The following SUPT3H variants were observed in gnomAD, a reference collection of about 807,000 sequenced individuals.
The protein encoded by SUPT3H is SPT3 homolog, SAGA and STAGA complex component, also known as transcription initiation protein SPT3 homolog.
Under a neutral mutation model 44.3 loss-of-function variants are expected in SUPT3H, and 44 were observed. The ratio of observed to expected loss-of-function variants is 0.99; its 90% CI spans 0.78 to 1.28. SUPT3H has a LOEUF of 1.28. Among genes scored for constraint, SUPT3H ranks in the 50% most tolerant of loss-of-function variants. The pLI, the probability that SUPT3H is intolerant of heterozygous loss-of-function variation, is 0.00. For missense variants in SUPT3H, 380 were observed against 387.1 expected (o/e 0.98, Z 0.15); for synonymous variants, 124 against 125.6 (o/e 0.99, Z 0.09).
rs529527828 is a variant in SUPT3H, at chr6:44,963,488, T to TCAAA, written c.505-1664_505-1661dup. ...CTGGGTGACAGAGTGAGACTCCGTC[T>TCAAA]CAAACAAACAAACAAACAAACAACC... On this transcript the variant is annotated intron_variant, in intron 6 of 10. Transcript: ENST00000371459. Among the ~76,000 whole-genome samples the TCAAA allele has an allele frequency of 1.1e-3, 163 of 152,182 alleles. 2 individuals are homozygous for TCAAA. The highest frequency in any genetic ancestry group is 6.8e-3 in the Middle Eastern group (2 of 294).
At chr6:44,884,558 C>G (rs932052334) in intron 10 of SUPT3H, among the ~76,000 whole-genome samples, 5 of 152,118 alleles carry the variant, frequency 3.3e-5, no homozygotes, top group African/African-American at 1.2e-4. Context: ...TGCAGCACTA[C>G]TCACAATAGC....
intron 3 of SUPT3H, among the ~76,000 whole-genome samples, chr6:45,069,556 A>C (rs1345631253): frequency 6.6e-6 from 1 of 152,156 alleles, no homozygotes; most frequent in Non-Finnish European, 1.5e-5. Flanking sequence ...TGATCCGTAT[A>C]AGTATATGTA....
intron 11 of SUPT3H, among the ~76,000 whole-genome samples, chr6:44,816,644 T>C (rs1256279254): frequency 1.3e-5 from 2 of 152,216 alleles, no homozygotes; most frequent in Non-Finnish European, 2.9e-5. Flanking sequence ...ACTCATTTTA[T>C]GAGCCTAGCA....
In SUPT3H at chr6:44,961,925, C is replaced by T. The variant is rs549288125; in HGVS notation, c.505-97G>A. ...AGAATTGAAGTACCATTTTCCTTTC[C>T]TTATTCCAGGTGAACAGGGTAGTAC... On this transcript the variant is annotated intron_variant, in intron 6 of 10. Transcript: ENST00000371459. 4.4e-6 allele frequency: 4 copies of T among 912,214 alleles called. No homozygotes were observed. The East Asian group carries it at 7.5e-5, about 17-fold the overall frequency. The allele number at this position is 912,214 out of a possible 1,614,324, so 56.5% of individuals were successfully genotyped here.
In SUPT3H at chr6:44,828,061, A is replaced by G. The variant is rs1261403817; in HGVS notation, c.*1755T>C. Among the ~76,000 whole-genome samples, 3 of 152,148 alleles carry G rather than the reference A, an allele frequency of 2.0e-5. No individual in the cohort carries two copies. Among genetic ancestry groups the G allele is most frequent in the Non-Finnish European group, 4.4e-5 (3 of 67,998 alleles). ...AAACCCTATATTTTCTGCCTTGTGC[A>G]TACTTTAAAATGTATAATGTGGGAG... On this transcript the variant is annotated 3_prime_UTR_variant, in exon 11 of 11. Coordinates refer to ENST00000371459, the MANE Select transcript of SUPT3H (RefSeq NM_003599.4).
At chr6:45,305,177 A>G (rs936102987) in intron 2 of SUPT3H, among the ~76,000 whole-genome samples, 1 of 152,232 alleles carries the variant, frequency 6.6e-6, no homozygotes, top group Non-Finnish European at 1.5e-5. Flanking sequence ...ACCTCAAACG[A>G]AAAACATCGG....
intron 2 of SUPT3H, among the ~76,000 whole-genome samples, chr6:45,213,758 TAA>T (rs1764522045): frequency 1.3e-5 from 2 of 152,020 alleles, no homozygotes; most frequent in African/African-American, 4.8e-5. Context: ...TAAATTTTTA[TAA>T]GTTTTTAGTC....
intron 2 of SUPT3H, among the ~76,000 whole-genome samples, chr6:45,346,431 G>C (rs1256369693): frequency 6.6e-6 from 1 of 152,008 alleles, no homozygotes; most frequent in East Asian, 1.9e-4. Flanking sequence ...TAAGCACAGA[G>C]ATACAATACA....
chr6:45,032,978 T>C (rs1787167011), intron 3 of SUPT3H, among the ~76,000 whole-genome samples: 1 of 152,134 alleles, frequency 6.6e-6, no homozygotes, highest in Non-Finnish European at 1.5e-5. Flanking sequence ...GCACAGGAAG[T>C]AGAGTAGGAA....
intron 3 of SUPT3H, among the ~76,000 whole-genome samples, chr6:45,081,612 G>A (rs958423715): frequency 6.6e-6 from 1 of 152,088 alleles, no homozygotes; most frequent in African/African-American, 2.4e-5. Flanking sequence ...GAATGATAGA[G>A]CTCCTCTGTG....
intron 10 of SUPT3H, among the ~76,000 whole-genome samples, chr6:44,890,092 T>G (rs1763036272): frequency 6.6e-6 from 1 of 151,352 alleles, no homozygotes; most frequent in Non-Finnish European, 1.5e-5. Flanking sequence ...TGGCGATCAT[T>G]AAAAAGTCAG....
chr6:45,077,626 C>CAAAAAAAAAAAAAAAAAAAA (rs70993493), intron 3 of SUPT3H, among the ~76,000 whole-genome samples: 40 of 33,968 alleles, frequency 1.2e-3, no homozygotes, highest in East Asian at 3.5e-3. Flanking sequence ...GACCTTGTTT[C>CAAAAAAAAAAAAAAAAAAAA]AAAAAAAAAA....
Position 44,985,453 on chromosome 6 carries a change from T to C in SUPT3H, c.504+18200A>G, listed in dbSNP as rs539895472. Among the ~76,000 whole-genome samples, 20 of 152,140 alleles carry C rather than the reference T, an allele frequency of 1.3e-4. No individual in the cohort carries two copies. The East Asian group carries it at 3.7e-3, about 28-fold the overall frequency. ...CCCAATTCATAAATACGTTGTATCC[T>C]AAAAGTCTGTTTAGGGTACAACATC... On this transcript the variant is annotated intron_variant, in intron 6 of 10. Coordinates refer to ENST00000371459, the MANE Select transcript of SUPT3H (RefSeq NM_003599.4).
At chr6:45,158,908 C>G (rs1215868481) in intron 2 of SUPT3H, 1 of 152,108 alleles carries the variant, frequency 6.6e-6, no homozygotes, top group Non-Finnish European at 1.5e-5. Context: ...AGTGTGGTTA[C>G]AAGATCAAAA....
At chr6:45,205,051 T>C (rs1393821986) in intron 2 of SUPT3H, among the ~76,000 whole-genome samples, 1 of 152,172 alleles carries the variant, frequency 6.6e-6, no homozygotes, top group Non-Finnish European at 1.5e-5. Flanking sequence ...AGAAATAATA[T>C]CTCGTAGATT....
chr6:45,060,796 C>A (rs1378236612), intron 3 of SUPT3H, among the ~76,000 whole-genome samples: 1 of 152,080 alleles, frequency 6.6e-6, no homozygotes, highest in East Asian at 1.9e-4. Context: ...AGGACGTGAA[C>A]AGACACTTCT....
chr6:45,053,848 G>A (rs776940307), intron 3 of SUPT3H, among the ~76,000 whole-genome samples: 5 of 148,504 alleles, frequency 3.4e-5, no homozygotes, highest in Non-Finnish European at 7.4e-5. Context: ...CCAGGAGGCA[G>A]AGCTTGCAGT....
At chr6:45,239,411 G>A (rs776552439) in intron 2 of SUPT3H, among the ~76,000 whole-genome samples, 55 of 152,316 alleles carry the variant, frequency 3.6e-4, no homozygotes, top group South Asian at 6.2e-4. Flanking sequence ...GGTCTCAAGC[G>A]CAGATACAGC....
intron 10 of SUPT3H, among the ~76,000 whole-genome samples, chr6:44,853,980 A>C (rs1316259361): frequency 2.1e-5 from 3 of 144,374 alleles, no homozygotes; most frequent in Admixed American, 6.9e-5. Flanking sequence ...CCTTTAGCTA[A>C]AAAAAAAAAA....
Sources: gnomAD v4.1 joint callset for allele counts (sites outside exome capture counted in the v4.1 genomes callset) on GRCh38, gnomAD v4.1.1 for gene constraint, MANE v1.5 for transcripts, NCBI Gene and HGNC (gene_info 2026-07-23, HGNC 2026-07-21) for gene names.